The following YES1 variants were observed in gnomAD, a reference collection of about 807,000 sequenced individuals.
The protein encoded by YES1 is YES proto-oncogene 1, Src family tyrosine kinase.
Under a neutral mutation model 70.4 loss-of-function variants are expected in YES1, and 39 were observed. The ratio of observed to expected loss-of-function variants is 0.55; its 90% CI spans 0.43 to 0.72. YES1 has a LOEUF of 0.72. Among genes scored for constraint, YES1 ranks in the 30% least tolerant of loss-of-function variants. The probability of loss-of-function intolerance (pLI) is 0.00; values close to 1 mark genes in which losing one functional copy is unlikely to be tolerated. For synonymous variants in YES1, 198 were observed against 218.6 expected (o/e 0.91, Z 0.83); for missense variants, 495 against 644.8 (o/e 0.77, Z 2.52).
In YES1 at chr18:775,058, T is replaced by C. The variant is rs573418521; in HGVS notation, c.-8-18223A>G. On this transcript the variant is annotated intron_variant, in intron 1 of 11. Transcript: ENST00000314574. ...TGCAAAGTCTGAGTCCGTCACTTAC[T>C]AGCTGGGTGAACTTCAACAAGTTAC... 2.0e-5 allele frequency: 3 copies of C among 152,342 alleles called. No homozygotes were observed. The East Asian group carries it at 5.8e-4, about 29-fold the overall frequency. 9.4% of individuals were successfully genotyped at this position (152,342 alleles called of 1,614,324 possible).
At chr18:811,925 C>T (rs1221750583) in intron 1 of YES1, among the ~76,000 whole-genome samples, 189 bp downstream of exon 1, 1 of 152,092 alleles carries the variant, frequency 6.6e-6, no homozygotes, top group Non-Finnish European at 1.5e-5. Context: ...GAGCAGGTAG[C>T]GCGGGGAACG....
intron 2 of YES1, among the ~76,000 whole-genome samples, chr18:753,938 T>C (rs947185302): frequency 2.0e-5 from 3 of 152,196 alleles, no homozygotes; most frequent in African/African-American, 7.2e-5. Context: ...CCGAGTCCAT[T>C]ACTAGTGCTA....
chr18:737,151 G>T (rs2080163408), intron 9 of YES1, 190 bp from the exon 10 acceptor site: 1 of 544,604 alleles, frequency 1.8e-6, no homozygotes, highest in Admixed American at 3.6e-5. Flanking sequence ...GCTAAATTCA[G>T]ATTTCAAAAA....
intron 1 of YES1, among the ~76,000 whole-genome samples, chr18:776,304 G>A (rs980499145): frequency 3.3e-5 from 5 of 151,536 alleles, no homozygotes; most frequent in Admixed American, 1.3e-4. Context: ...AGTGATTCTC[G>A]TGCCTCAGCC....
At chr18:741,713 G>C (rs956466960) in intron 8 of YES1, among the ~76,000 whole-genome samples, 1 of 152,148 alleles carries the variant, frequency 6.6e-6, no homozygotes, top group Non-Finnish European at 1.5e-5. Flanking sequence ...TGAGATGAGA[G>C]GATCGCTTGA....
intron 1 of YES1, among the ~76,000 whole-genome samples, chr18:757,098 G>GA (rs1301820018): frequency 6.6e-6 from 1 of 152,172 alleles, no homozygotes; most frequent in East Asian, 1.9e-4. Flanking sequence ...AGTATATTGG[G>GA]AAAAAACCAT....
At chr18:791,351 A>G (rs1176362434) in intron 1 of YES1, among the ~76,000 whole-genome samples, 3 of 152,216 alleles carry the variant, frequency 2.0e-5, no homozygotes, top group Non-Finnish European at 4.4e-5. Flanking sequence ...TATTAAGAAT[A>G]GTAACAGATA....
chr18:748,152 G>C (rs910001302), intron 3 of YES1, 134 bp from the exon 4 acceptor site: 35 of 662,530 alleles, frequency 5.3e-5, no homozygotes, highest in Non-Finnish European at 8.0e-5. Context: ...ATTGGATGAA[G>C]AATTAAACTC....
chr18:727,348 C>T (rs1228241743), intron 11 of YES1, among the ~76,000 whole-genome samples: 1 of 152,076 alleles, frequency 6.6e-6, no homozygotes, highest in African/African-American at 2.4e-5. Flanking sequence ...TCCTAAAATA[C>T]CTTAAAGTAT....
At chr18:779,386 A>G (rs1419553473) in intron 1 of YES1, among the ~76,000 whole-genome samples, 1 of 150,988 alleles carries the variant, frequency 6.6e-6, no homozygotes, top group Non-Finnish European at 1.5e-5. Flanking sequence ...CCTCGGAGAC[A>G]GAGTGAGACC....
At chr18:743,462 A>C in intron 6 of YES1, 47 bp from the exon 7 acceptor site, 1 of 1,461,092 alleles carries the variant, frequency 6.8e-7, no homozygotes, top group African/African-American at 1.4e-5. Flanking sequence ...ACAAAAATTA[A>C]GGGGCATATA....
At chr18:796,360 C>G (rs1906543040) in intron 1 of YES1, among the ~76,000 whole-genome samples, 1 of 152,084 alleles carries the variant, frequency 6.6e-6, no homozygotes, top group Non-Finnish European at 1.5e-5. Flanking sequence ...AATGAGTTAG[C>G]TAAATATGTT....
At chr18:796,148 T>C (rs1906533691) in intron 1 of YES1, among the ~76,000 whole-genome samples, 1 of 152,100 alleles carries the variant, frequency 6.6e-6, no homozygotes, top group South Asian at 2.1e-4. Context: ...TATGAATAGC[T>C]GAGAAAGTTT....
intron 1 of YES1, among the ~76,000 whole-genome samples, chr18:765,286 ATATATATC>A (rs1459646054): frequency 4.1e-5 from 5 of 121,584 alleles, no homozygotes; most frequent in African/African-American, 1.6e-4. Flanking sequence ...ATATATATAT[ATATATATC>A]TGTAGCAATT....
intron 1 of YES1, among the ~76,000 whole-genome samples, chr18:759,335 C>T (rs1311597127): frequency 6.6e-6 from 1 of 152,130 alleles, no homozygotes; most frequent in Non-Finnish European, 1.5e-5. Context: ...GGCGAGGTGG[C>T]GGGCGCCTGT....
At chr18:728,315 C>T (rs1000120993) in intron 11 of YES1, among the ~76,000 whole-genome samples, 4 of 114,148 alleles carry the variant, frequency 3.5e-5, no homozygotes, top group Admixed American at 2.8e-4. Context: ...TGACAGAGAC[C>T]CTGTCTCAAA....
chr18:776,623 G>C (rs919260826), intron 1 of YES1, among the ~76,000 whole-genome samples: 1 of 152,122 alleles, frequency 6.6e-6, no homozygotes, highest in African/African-American at 2.4e-5. Flanking sequence ...CCAGAACCTA[G>C]AAGACAGTCT....
intron 1 of YES1, among the ~76,000 whole-genome samples, chr18:757,462 C>T (rs1344205917): frequency 1.4e-5 from 2 of 145,608 alleles, no homozygotes; most frequent in African/African-American, 2.6e-5. Flanking sequence ...GAGATCGCGC[C>T]ACTGCACTCC....
chr18:803,153 T>C (rs1906912534), intron 1 of YES1, among the ~76,000 whole-genome samples: 1 of 152,190 alleles, frequency 6.6e-6, no homozygotes. Flanking sequence ...GAGGATCACT[T>C]GAACCTGGGA....
Sources: gnomAD v4.1 joint callset for allele counts (sites outside exome capture counted in the v4.1 genomes callset) on GRCh38, gnomAD v4.1.1 for gene constraint, MANE v1.5 for transcripts, NCBI Gene and HGNC (gene_info 2026-07-23, HGNC 2026-07-21) for gene names.